PPFIA1: variants seen among roughly 807,000 people sequenced by gnomAD.
PPFIA1 encodes the protein PPFI scaffold protein A1.
PPFIA1 carries 25 observed loss-of-function variants against 149.9 expected under a neutral mutation model. The observed-to-expected ratio is 0.17, with a 90% confidence interval of 0.12 to 0.23. The LOEUF (loss-of-function observed/expected upper bound fraction) is 0.23. Ranked by LOEUF, PPFIA1 falls within the 10% of genes least tolerant of loss-of-function variation. PPFIA1 has a pLI of 1.00. For missense variants in PPFIA1, 1,362 were observed against 1,506.5 expected (o/e 0.90, Z 1.59); for synonymous variants, 549 against 552.8 (o/e 0.99, Z 0.10).
intron 21 of PPFIA1, among the ~76,000 whole-genome samples, chr11:70,363,744 C>A (rs978436935): frequency 5.3e-5 from 8 of 152,032 alleles, no homozygotes; most frequent in African/African-American, 1.9e-4. Context: ...GAACTCCTGG[C>A]CTCCAGTAGT....
chr11:70,346,919 G>A (rs2055737222), intron 15 of PPFIA1, among the ~76,000 whole-genome samples: 2 of 152,162 alleles, frequency 1.3e-5, no homozygotes, highest in Non-Finnish European at 2.9e-5. Context: ...TAAAACTGCT[G>A]TCTAGTGATC....
chr11:70,344,637 C>T (rs568197111), intron 15 of PPFIA1, among the ~76,000 whole-genome samples: 2 of 152,318 alleles, frequency 1.3e-5, no homozygotes, highest in African/African-American at 2.4e-5. Flanking sequence ...TGTTCAGCAG[C>T]GTTTGTTTCA....
chr11:70,346,342 T>C (rs1418293058), intron 15 of PPFIA1, among the ~76,000 whole-genome samples: 1 of 151,246 alleles, frequency 6.6e-6, no homozygotes, highest in Non-Finnish European at 1.5e-5. Context: ...TTTACGTGGG[T>C]GGAGGTGCCA....
At chr11:70,336,145 C>T (rs754930171) in intron 11 of PPFIA1, among the ~76,000 whole-genome samples, 1 of 152,180 alleles carries the variant, frequency 6.6e-6, no homozygotes, top group Non-Finnish European at 1.5e-5. Context: ...TTCTAGTTTG[C>T]CAGCCCCTGC....
intron 2 of PPFIA1, among the ~76,000 whole-genome samples, chr11:70,273,327 G>T (rs2050204000): frequency 6.6e-6 from 1 of 152,190 alleles, no homozygotes; most frequent in African/African-American, 2.4e-5. Context: ...ATTTGGACCA[G>T]TGTTTGAAAG....
chr11:70,307,905 A>G (rs567048698), intron 2 of PPFIA1, among the ~76,000 whole-genome samples: 96 of 152,336 alleles, frequency 6.3e-4, no homozygotes, highest in African/African-American at 2.1e-3. Flanking sequence ...CAGCCTGGGA[A>G]ACAGAACAAG....
chr11:70,334,006 A>G (rs955150250), intron 10 of PPFIA1, among the ~76,000 whole-genome samples: 1 of 152,164 alleles, frequency 6.6e-6, no homozygotes, highest in Non-Finnish European at 1.5e-5. Flanking sequence ...AAAATACTCC[A>G]AACATAATGG....
At chr11:70,294,654 A>G (rs1341532383) in intron 2 of PPFIA1, among the ~76,000 whole-genome samples, 1 of 151,518 alleles carries the variant, frequency 6.6e-6, no homozygotes, top group Non-Finnish European at 1.5e-5. Flanking sequence ...CAGCAGATAA[A>G]CAAGTGAACA....
Position 70,286,129 on chromosome 11 carries a change from T to C in PPFIA1, c.264+13693T>C, listed in dbSNP as rs2051102567. ...TCGCAGGTGCCTTACCTGACTGCCA[T>C]GCTGTGTACTTTCATTTGGGCAGGC... is the stretch of plus-strand genomic sequence containing the variant. On this transcript the variant is annotated intron_variant, in intron 2 of 27. Coordinates refer to ENST00000253925, the MANE Select transcript of PPFIA1 (RefSeq NM_003626.5). 2.6e-5 allele frequency among the ~76,000 whole-genome samples: 4 copies of C among 152,194 alleles called. No homozygotes were observed. The South Asian group carries it at 8.3e-4, about 32-fold the overall frequency.
intron 21 of PPFIA1, 50 bp downstream of exon 21, chr11:70,362,538 C>T (rs2056714011): frequency 1.3e-6 from 2 of 1,517,080 alleles, no homozygotes; most frequent in Non-Finnish European, 1.8e-6. Flanking sequence ...GAATGCCTCT[C>T]TGAAGGTATC....
intron 2 of PPFIA1, 82 bp downstream of exon 2, chr11:70,272,518 A>G: frequency 1.4e-6 from 2 of 1,416,824 alleles, no homozygotes; most frequent in Non-Finnish European, 1.9e-6. Flanking sequence ...TTAATGTTTC[A>G]GATGAGTATT....
chr11:70,322,950 A>G (rs1409876937), intron 2 of PPFIA1, among the ~76,000 whole-genome samples: 4 of 103,118 alleles, frequency 3.9e-5, no homozygotes, highest in Non-Finnish European at 7.4e-5. Context: ...TGAGCCCCAC[A>G]TATGTTTCTG....
Position 70,382,108 on chromosome 11 carries a change from A to C in PPFIA1, c.3571A>C (p.Arg1191=). ...AACAGGCAATGTATCAGGAACACAGAGGTTGGATTCTGCTACAGTCAGGAC... is the reference window on the plus strand; with the variant it reads ...AACAGGCAATGTATCAGGAACACAGCGGTTGGATTCTGCTACAGTCAGGAC... ...QMDGNVSGTQ[R]LDSATVRTYS... Residue 1191 remains arginine, a synonymous_variant, in exon 27 of 28, where the codon AGG becomes CGG. Transcript: ENST00000253925. 3 of 1,613,994 alleles carry C rather than the reference A, an allele frequency of 1.9e-6. No individual in the cohort carries two copies. Among genetic ancestry groups the C allele is most frequent in the Non-Finnish European group, 2.5e-6 (3 of 1,179,978 alleles).
At chr11:70,334,662 A>T (rs1227705091) in intron 10 of PPFIA1, 1 of 152,254 alleles carries the variant, frequency 6.6e-6, no homozygotes, top group African/African-American at 2.4e-5. Context: ...GTTAGACCTT[A>T]TGAGAAAAGG....
chr11:70,298,548 A>G (rs903274493), intron 2 of PPFIA1, among the ~76,000 whole-genome samples: 2 of 152,206 alleles, frequency 1.3e-5, no homozygotes, highest in Non-Finnish European at 2.9e-5. Context: ...TAAAAGGCCC[A>G]GGTGCTGCCA....
At chr11:70,315,624 T>A (rs2053561841) in intron 2 of PPFIA1, among the ~76,000 whole-genome samples, 3 of 151,734 alleles carry the variant, frequency 2.0e-5, no homozygotes, top group South Asian at 4.2e-4. Flanking sequence ...TTATTAGACG[T>A]CTTTTTGACT....
Position 70,339,177 on chromosome 11 carries a change from C to A in PPFIA1, c.1578C>A (p.Pro526=). ...CTTATTTTTCATGTTTCAGCCGACC[C>A]CACTTGGGCAGTGTCCCAGATTTCA... The part of the protein sequence containing the change: ...LRGASLHHGR[P]HLGSVPDFRF... Residue 526 remains proline (P), a synonymous_variant, in exon 14 of 28, where the codon CCC becomes CCA. Coordinates refer to ENST00000253925, the MANE Select transcript of PPFIA1 (RefSeq NM_003626.5). 2 of 1,613,458 alleles carry A rather than the reference C, an allele frequency of 1.2e-6. No homozygotes were observed. The highest frequency in any genetic ancestry group is 2.2e-5 in the East Asian group (1 of 44,880).
intron 16 of PPFIA1, among the ~76,000 whole-genome samples, chr11:70,351,298 T>C (rs568594719): frequency 6.6e-6 from 1 of 152,216 alleles, no homozygotes; most frequent in African/African-American, 2.4e-5. Flanking sequence ...TTCATAGATG[T>C]AGTAGTTTTA....
At chr11:70,315,678 G>GTTTTTTTTTTTCT (rs2053569294) in intron 2 of PPFIA1, among the ~76,000 whole-genome samples, 1 of 73,016 alleles carries the variant, frequency 1.4e-5, no homozygotes, top group African/African-American at 5.4e-5. Flanking sequence ...CTTTTTTTCT[G>GTTTTTTTTTTTCT]TTTTTTTTTT....
Sources: gnomAD v4.1 joint callset for allele counts (sites outside exome capture counted in the v4.1 genomes callset) on GRCh38, gnomAD v4.1.1 for gene constraint, MANE v1.5 for transcripts, NCBI Gene and HGNC (gene_info 2026-07-23, HGNC 2026-07-21) for gene names.